PRMT3: variants seen among roughly 807,000 people sequenced by gnomAD.
PRMT3 encodes protein arginine N-methyltransferase 3.
Under a neutral mutation model 71.9 loss-of-function variants are expected in PRMT3, and 62 were observed. The observed-to-expected ratio is 0.86, with a 90% CI of 0.70 to 1.07. The LOEUF is 1.07. Ranked by LOEUF, PRMT3 falls within the 50% of genes least tolerant of loss-of-function variation. The pLI, the probability that PRMT3 is intolerant of heterozygous loss-of-function variation, is 0.00. For missense variants in PRMT3, 663 were observed against 643.0 expected (o/e 1.03, Z -0.34); for synonymous variants, 213 against 220.4 (o/e 0.97, Z 0.30).
intron 15 of PRMT3, among the ~76,000 whole-genome samples, chr11:20,504,865 CTG>C (rs1283340268): frequency 2.0e-5 from 3 of 152,132 alleles, no homozygotes; most frequent in Non-Finnish European, 4.4e-5. Context: ...TCCCAAGTAA[CTG>C]AGACTACAGG....
At chr11:20,429,735 T>A (rs567423626) in intron 10 of PRMT3, among the ~76,000 whole-genome samples, 3 of 152,262 alleles carry the variant, frequency 2.0e-5, no homozygotes, top group African/African-American at 7.2e-5. Context: ...AGCAACTGTT[T>A]TAAGTGCTCT....
At chr11:20,504,707 T>TGTGTGTGTGTGA (rs1332372470) in intron 15 of PRMT3, among the ~76,000 whole-genome samples, 4 of 133,590 alleles carry the variant, frequency 3.0e-5, no homozygotes, top group African/African-American at 1.2e-4. Flanking sequence ...TGTGTGTGTG[T>TGTGTGTGTGTGA]GAGAGAGAGA....
chr11:20,406,985 A>G (rs1198944776), intron 8 of PRMT3: 1 of 152,202 alleles, frequency 6.6e-6, no homozygotes, highest in Admixed American at 6.5e-5. Flanking sequence ...TATGTTAGAA[A>G]CAATGCTTCA....
intron 9 of PRMT3, among the ~76,000 whole-genome samples, chr11:20,420,414 C>A (rs1849399996): frequency 1.3e-5 from 2 of 152,090 alleles, no homozygotes; most frequent in African/African-American, 4.8e-5. Flanking sequence ...CCCCAGGCTG[C>A]GGATGAGTAT....
At chr11:20,465,133 G>A (rs1278562792) in intron 13 of PRMT3, among the ~76,000 whole-genome samples, 3 of 151,974 alleles carry the variant, frequency 2.0e-5, no homozygotes, top group Non-Finnish European at 4.4e-5. Context: ...GAAAAATGGG[G>A]ATAATTCTGT....
intron 13 of PRMT3, among the ~76,000 whole-genome samples, chr11:20,469,690 T>G (rs1464066337): frequency 6.6e-6 from 1 of 152,214 alleles, no homozygotes; most frequent in East Asian, 1.9e-4. Flanking sequence ...CATCATGTCA[T>G]CACCCAAAAT....
chr11:20,400,136 A>G (rs1848917245), intron 7 of PRMT3, among the ~76,000 whole-genome samples: 1 of 152,222 alleles, frequency 6.6e-6, no homozygotes, highest in Non-Finnish European at 1.5e-5. Flanking sequence ...TGTTCAAGGT[A>G]TATTACCACT....
At chr11:20,449,479 C>T (rs16906275) in intron 10 of PRMT3, among the ~76,000 whole-genome samples, 8,932 of 152,106 alleles carry the variant, frequency 0.059, 816 homozygotes, top group African/African-American at 0.2. Flanking sequence ...TGATTCAGAA[C>T]TTGTATAGTG....
intron 10 of PRMT3, among the ~76,000 whole-genome samples, chr11:20,438,594 C>G (rs2133368460): frequency 6.6e-6 from 1 of 152,224 alleles, no homozygotes; most frequent in Admixed American, 6.5e-5. Context: ...ATGCAGCATA[C>G]TGCATCAGCT....
At chr11:20,486,707 A>G (rs1056878118) in intron 13 of PRMT3, among the ~76,000 whole-genome samples, 2 of 152,184 alleles carry the variant, frequency 1.3e-5, no homozygotes, top group Non-Finnish European at 2.9e-5. Flanking sequence ...CTGTGCTGCC[A>G]GAAAATAACT....
At chr11:20,465,127 A>G (rs1466439243) in intron 13 of PRMT3, among the ~76,000 whole-genome samples, 1 of 152,092 alleles carries the variant, frequency 6.6e-6, no homozygotes, top group Non-Finnish European at 1.5e-5. Context: ...CTTTAAGAAA[A>G]ATGGGGATAA....
intron 15 of PRMT3, among the ~76,000 whole-genome samples, chr11:20,494,648 A>G (rs1851292690): frequency 1.3e-5 from 2 of 152,224 alleles, no homozygotes; most frequent in Non-Finnish European, 2.9e-5. Flanking sequence ...TTGAAGCAAT[A>G]TAACAGATGT....
At chr11:20,393,729 A>G (rs1437480116) in intron 5 of PRMT3, 1 of 152,196 alleles carries the variant, frequency 6.6e-6, no homozygotes, top group Admixed American at 6.5e-5. Flanking sequence ...AATCTTTAAT[A>G]TATAATTATC....
At chr11:20,428,157 A>C (rs927290703) in intron 10 of PRMT3, among the ~76,000 whole-genome samples, 2 of 152,146 alleles carry the variant, frequency 1.3e-5, no homozygotes, top group African/African-American at 2.4e-5. Flanking sequence ...CACACCAAAG[A>C]ATTTGTATCA....
At chr11:20,431,285 C>A (rs1849649322) in intron 10 of PRMT3, among the ~76,000 whole-genome samples, 1 of 152,102 alleles carries the variant, frequency 6.6e-6, no homozygotes, top group African/African-American at 2.4e-5. Context: ...GGCAAACTAC[C>A]TCCATTCTTG....
At chr11:20,411,785 T>A (rs1202239305) in intron 9 of PRMT3, among the ~76,000 whole-genome samples, 1 of 152,158 alleles carries the variant, frequency 6.6e-6, no homozygotes, top group African/African-American at 2.4e-5. Flanking sequence ...AATCACATTT[T>A]AAAAAATAGT....
intron 11 of PRMT3, among the ~76,000 whole-genome samples, chr11:20,456,017 C>T (rs1850259988): frequency 6.6e-6 from 1 of 151,886 alleles, no homozygotes; most frequent in South Asian, 2.1e-4. Context: ...ATTCAGAAAC[C>T]CTGAAAGAAA....
At chr11:20,447,595 A>T (rs1182203833) in intron 10 of PRMT3, among the ~76,000 whole-genome samples, 1 of 152,160 alleles carries the variant, frequency 6.6e-6, no homozygotes, top group African/African-American at 2.4e-5. Context: ...TTATGACAGT[A>T]TACTTTGTTA....
At chr11:20,404,144 T>C (rs974724988) in intron 8 of PRMT3, among the ~76,000 whole-genome samples, 1 of 115,002 alleles carries the variant, frequency 8.7e-6, no homozygotes. Flanking sequence ...ATTATAGTTA[T>C]CAGTTTTTTA....
Sources: gnomAD v4.1 joint callset for allele counts (sites outside exome capture counted in the v4.1 genomes callset) on GRCh38, gnomAD v4.1.1 for gene constraint, MANE v1.5 for transcripts, NCBI Gene and HGNC (gene_info 2026-07-23, HGNC 2026-07-21) for gene names.